Variants in DSCAM observed in about 807,000 individuals in gnomAD.
DSCAM encodes the protein DS cell adhesion molecule, also known as cell adhesion molecule DSCAM.
DSCAM carries 47 observed loss-of-function variants against 217.7 expected under a neutral mutation model. The observed-to-expected ratio is 0.22, with a 90% CI of 0.17 to 0.28. The LOEUF (loss-of-function observed/expected upper bound fraction) is 0.28. Ranked by LOEUF, DSCAM falls within the 10% of genes least tolerant of loss-of-function variation. The pLI, the probability that DSCAM is intolerant of heterozygous loss-of-function variation, is 1.00. For synonymous variants in DSCAM, 1,056 were observed against 1,015.3 expected (o/e 1.04, Z -0.76); for missense variants, 2,080 against 2,618.3 (o/e 0.79, Z 4.49).
intron 11 of DSCAM, among the ~76,000 whole-genome samples, chr21:40,222,428 G>T (rs1240349066): frequency 6.6e-6 from 1 of 152,088 alleles, no homozygotes; most frequent in Non-Finnish European, 1.5e-5. Context: ...TTCTGCATGG[G>T]AATTAATCTT....
intron 1 of DSCAM, among the ~76,000 whole-genome samples, chr21:40,819,736 G>T (rs751860724): frequency 2.0e-5 from 3 of 152,144 alleles, no homozygotes; most frequent in Admixed American, 6.5e-5. Flanking sequence ...AAACTGTCTA[G>T]AGCTGGGAGA....
chr21:40,261,402 C>T (rs2073448017), intron 11 of DSCAM, among the ~76,000 whole-genome samples: 2 of 152,062 alleles, frequency 1.3e-5, no homozygotes, highest in South Asian at 4.1e-4. Flanking sequence ...TGTGCATGGG[C>T]CTCATCCCAT....
chr21:40,187,052 A>G (rs940670815), intron 14 of DSCAM, 79 bp downstream of exon 14: 15 of 1,558,076 alleles, frequency 9.6e-6, no homozygotes, highest in East Asian at 2.3e-5. Flanking sequence ...GTGCGCTTAC[A>G]GGTAAAACAC....
chr21:40,706,800 A>C (rs2090722427), intron 2 of DSCAM, among the ~76,000 whole-genome samples: 1 of 152,260 alleles, frequency 6.6e-6, no homozygotes, highest in African/African-American at 2.4e-5. Flanking sequence ...TTATGTGTTC[A>C]CAATAAAAAG....
At chr21:40,569,178 T>A (rs1047712455) in intron 3 of DSCAM, among the ~76,000 whole-genome samples, 8 of 152,230 alleles carry the variant, frequency 5.3e-5, no homozygotes, top group African/African-American at 1.9e-4. Context: ...CCTTTCATTT[T>A]CTTGCTTCCA....
In DSCAM at chr21:40,779,810, GA is replaced by G. The variant is rs562870433; in HGVS notation, c.43+66808del. 1.2e-3 allele frequency among the ~76,000 whole-genome samples: 183 copies of G among 152,304 alleles called. 1 individual carries two copies. The highest frequency in any genetic ancestry group is 4.4e-3 in the African/African-American group (181 of 41,562). The stretch of plus-strand genomic sequence containing the variant: ...ATTACCTGGGTATCACCAAGGAATA[GA>G]AAAATGCCCATGTGGCCACTGCATA... On this transcript the variant is annotated intron_variant, in intron 1 of 32. Transcript: ENST00000400454.
chr21:40,713,757 T>C (rs951381404), intron 1 of DSCAM, among the ~76,000 whole-genome samples: 1 of 152,212 alleles, frequency 6.6e-6, no homozygotes, highest in South Asian at 2.1e-4. Context: ...AATGGTCATG[T>C]AACCAGTCAT....
intron 3 of DSCAM, among the ~76,000 whole-genome samples, chr21:40,563,003 T>C (rs1232684894): frequency 6.6e-6 from 1 of 152,226 alleles, no homozygotes; most frequent in Non-Finnish European, 1.5e-5. Flanking sequence ...AGGCTACATG[T>C]GCAGAATTTG....
intron 3 of DSCAM, among the ~76,000 whole-genome samples, chr21:40,619,184 T>G (rs550118392): frequency 1.3e-3 from 198 of 152,322 alleles, no homozygotes; most frequent in Non-Finnish European, 7.1e-4. Context: ...AAGTAAACTT[T>G]AAGTGAAGTA....
intron 11 of DSCAM, among the ~76,000 whole-genome samples, chr21:40,259,314 C>T (rs368981305): frequency 6.4e-4 from 97 of 151,196 alleles, no homozygotes; most frequent in South Asian, 5.6e-3. Context: ...ATGGAGGAAA[C>T]ACACCAAGCT....
intron 3 of DSCAM, among the ~76,000 whole-genome samples, chr21:40,494,838 A>G (rs1180138891): frequency 2.0e-5 from 3 of 151,734 alleles, no homozygotes; most frequent in Non-Finnish European, 2.9e-5. Flanking sequence ...TTTTTTTTCA[A>G]AAATAGAACC....
intron 11 of DSCAM, among the ~76,000 whole-genome samples, chr21:40,235,801 T>A (rs1456076760): frequency 1.3e-5 from 2 of 151,900 alleles, no homozygotes; most frequent in East Asian, 3.9e-4. Context: ...CCCTTTACAC[T>A]GCACCAACAG....
intron 3 of DSCAM, among the ~76,000 whole-genome samples, chr21:40,548,203 G>C (rs552178166): frequency 6.6e-5 from 10 of 152,284 alleles, no homozygotes; most frequent in African/African-American, 1.9e-4. Context: ...ACAGCCACCC[G>C]AGGGCCTAGC....
intron 1 of DSCAM, among the ~76,000 whole-genome samples, chr21:40,826,067 CAG>C (rs1487444871): frequency 6.6e-6 from 1 of 152,216 alleles, no homozygotes; most frequent in Non-Finnish European, 1.5e-5. Flanking sequence ...TTGGGAGAGA[CAG>C]ATGATAAACT....
intron 11 of DSCAM, among the ~76,000 whole-genome samples, chr21:40,247,512 G>C (rs2073242736): frequency 6.6e-6 from 1 of 152,206 alleles, no homozygotes; most frequent in South Asian, 2.1e-4. Flanking sequence ...CCACAATCCA[G>C]CAGGGCAGTC....
chr21:40,072,234 C>T (rs1317935668), intron 27 of DSCAM, among the ~76,000 whole-genome samples: 1 of 152,160 alleles, frequency 6.6e-6, no homozygotes, highest in Non-Finnish European at 1.5e-5. Flanking sequence ...AGATAATCTA[C>T]AGTGGTTTGT....
chr21:40,263,246 T>A (rs913962882), intron 11 of DSCAM, among the ~76,000 whole-genome samples: 3 of 152,208 alleles, frequency 2.0e-5, no homozygotes, highest in African/African-American at 7.2e-5. Context: ...CATTAAATTA[T>A]TCTATAAATA....
chr21:40,078,551 G>T, intron 26 of DSCAM, 136 bp downstream of exon 26: 1 of 1,145,864 alleles, frequency 8.7e-7, no homozygotes, highest in Non-Finnish European at 1.2e-6. Flanking sequence ...AGAGTCCATT[G>T]AATCCCGAAA....
At chr21:40,491,510 C>G (rs374375870) in intron 3 of DSCAM, among the ~76,000 whole-genome samples, 2 of 151,780 alleles carry the variant, frequency 1.3e-5, no homozygotes, top group African/African-American at 4.8e-5. Context: ...GTTGCTAAAA[C>G]AGAAATTAGA....
Sources: allele counts gnomAD v4.1 joint callset (sites outside exome capture counted in the v4.1 genomes callset), GRCh38; gene constraint gnomAD v4.1.1; transcripts MANE v1.5; gene names NCBI Gene and HGNC (gene_info 2026-07-23, HGNC 2026-07-21).